The following SMYD3 variants were observed in gnomAD, a reference collection of about 807,000 sequenced individuals.
The protein encoded by SMYD3 is SET and MYND domain containing 3.
A neutral mutation model predicts 57.7 loss-of-function variants in SMYD3; 36 were observed. The ratio of observed to expected loss-of-function variants is 0.62; its 90% CI spans 0.48 to 0.82. SMYD3 has a LOEUF of 0.82. Among genes scored for constraint, SMYD3 ranks in the 40% least tolerant of loss-of-function variants. SMYD3 has a pLI of 0.00. For synonymous variants in SMYD3, 211 were observed against 195.0 expected, an observed-to-expected ratio of 1.08 and a Z score of -0.68; for missense variants, 515 against 538.8, an observed-to-expected ratio of 0.96 and a Z score of 0.44.
intron 5 of SMYD3, among the ~76,000 whole-genome samples, chr1:246,228,819 CT>C (rs143117763): frequency 1.3e-5 from 2 of 151,796 alleles, no homozygotes; most frequent in African/African-American, 4.8e-5. Context: ...AAGAAGCCTT[CT>C]TTTTTTTAGT....
intron 8 of SMYD3, among the ~76,000 whole-genome samples, chr1:245,879,001 A>G (rs1276058230): frequency 6.6e-6 from 1 of 152,226 alleles, no homozygotes; most frequent in Non-Finnish European, 1.5e-5. Context: ...GCCTCCAGGA[A>G]GAGCAGTGTT....
intron 5 of SMYD3, among the ~76,000 whole-genome samples, chr1:246,270,427 T>C (rs1397511681): frequency 1.3e-5 from 2 of 152,236 alleles, no homozygotes; most frequent in African/African-American, 4.8e-5. Context: ...GTAACTCTTT[T>C]CATCTTGCAG....
chr1:246,190,898 A>G (rs890789625), intron 5 of SMYD3, among the ~76,000 whole-genome samples: 2 of 152,214 alleles, frequency 1.3e-5, no homozygotes, highest in African/African-American at 4.8e-5. Flanking sequence ...GGTAGGAACT[A>G]GAAAAGCCAG....
chr1:246,163,735 T>C (rs1476708521), intron 5 of SMYD3, among the ~76,000 whole-genome samples: 3 of 152,250 alleles, frequency 2.0e-5, no homozygotes, highest in East Asian at 3.9e-4. Context: ...CAAGTGCAAT[T>C]AAAAAAGAAA....
intron 5 of SMYD3, among the ~76,000 whole-genome samples, chr1:246,100,703 C>A (rs2060994096): frequency 6.6e-6 from 1 of 152,108 alleles, no homozygotes; most frequent in South Asian, 2.1e-4. Flanking sequence ...TTTTATATTC[C>A]TGAGCATCCT....
chr1:245,988,716 G>C (rs1178496785), intron 5 of SMYD3, among the ~76,000 whole-genome samples: 1 of 152,228 alleles, frequency 6.6e-6, no homozygotes, highest in Non-Finnish European at 1.5e-5. Flanking sequence ...GCAGGGACCA[G>C]AGCCCAGGCC....
At chr1:246,007,247 G>T (rs1558146150) in intron 5 of SMYD3, among the ~76,000 whole-genome samples, 1 of 152,212 alleles carries the variant, frequency 6.6e-6, no homozygotes, top group Non-Finnish European at 1.5e-5. Flanking sequence ...ATGTGCGTTT[G>T]TCTTTGGCCT....
intron 8 of SMYD3, among the ~76,000 whole-genome samples, chr1:245,911,083 A>C (rs774739315): frequency 2.6e-5 from 4 of 152,136 alleles, no homozygotes; most frequent in Non-Finnish European, 5.9e-5. Context: ...AATATGCTGA[A>C]TTCATAGAAA....
chr1:246,086,467 T>G (rs2060722855), intron 5 of SMYD3, among the ~76,000 whole-genome samples: 1 of 152,160 alleles, frequency 6.6e-6, no homozygotes, highest in Non-Finnish European at 1.5e-5. Context: ...AGTTTTCATT[T>G]GCTCCTATCT....
intron 10 of SMYD3, among the ~76,000 whole-genome samples, chr1:245,841,808 T>A (rs1325299224): frequency 6.6e-6 from 1 of 152,216 alleles, no homozygotes; most frequent in African/African-American, 2.4e-5. Flanking sequence ...TTTCTACTGA[T>A]ACCTCAGACA....
At chr1:246,379,563 C>T (rs1006400133) in intron 1 of SMYD3, among the ~76,000 whole-genome samples, 3 of 152,140 alleles carry the variant, frequency 2.0e-5, no homozygotes, top group African/African-American at 7.2e-5. Flanking sequence ...ACTGAATTAA[C>T]GTAACAGTTG....
At chr1:246,162,074 G>A (rs2062131385) in intron 5 of SMYD3, among the ~76,000 whole-genome samples, 1 of 152,206 alleles carries the variant, frequency 6.6e-6, no homozygotes, top group South Asian at 2.1e-4. Context: ...GGCCGGCTAA[G>A]CAACAGTAGT....
chr1:245,962,902 G>C (rs544487359), intron 5 of SMYD3, among the ~76,000 whole-genome samples: 1 of 152,266 alleles, frequency 6.6e-6, no homozygotes, highest in East Asian at 1.9e-4. Context: ...AACAGTCAAG[G>C]GGAGTTTATC....
intron 5 of SMYD3, among the ~76,000 whole-genome samples, chr1:246,125,091 C>G (rs67763039): frequency 8.2e-6 from 1 of 121,396 alleles, no homozygotes; most frequent in South Asian, 2.7e-4. Flanking sequence ...AAAAAAAACA[C>G]ACACACACAC....
intron 10 of SMYD3, among the ~76,000 whole-genome samples, chr1:245,778,633 T>G (rs2046702797): frequency 6.6e-6 from 1 of 152,154 alleles, no homozygotes; most frequent in Non-Finnish European, 1.5e-5. Context: ...AAAAACGAAC[T>G]TCAACCTGAA....
intron 10 of SMYD3, among the ~76,000 whole-genome samples, chr1:245,806,337 T>C (rs2048141922): frequency 6.6e-6 from 1 of 152,210 alleles, no homozygotes; most frequent in Non-Finnish European, 1.5e-5. Flanking sequence ...TTGCCATCCA[T>C]ATTGCTAGGA....
chr1:245,963,728 G>C (rs61729629), intron 5 of SMYD3, among the ~76,000 whole-genome samples: 24,494 of 152,142 alleles, frequency 0.16, 3,044 homozygotes, highest in African/African-American at 0.34. Flanking sequence ...GCCCTCCAGA[G>C]AAACTAACCA....
intron 1 of SMYD3, among the ~76,000 whole-genome samples, chr1:246,472,258 A>G (rs1326004282): frequency 6.6e-6 from 1 of 152,048 alleles, no homozygotes; most frequent in Non-Finnish European, 1.5e-5. Context: ...GTGGAAGAAG[A>G]AAAAAAAGAA....
At chr1:246,421,315 AT>A (rs1220787546) in intron 1 of SMYD3, among the ~76,000 whole-genome samples, 3 of 152,180 alleles carry the variant, frequency 2.0e-5, no homozygotes, top group Non-Finnish European at 2.9e-5. Flanking sequence ...TAAAAAAAAA[AT>A]AAAGTGCCAT....
Sources: allele counts gnomAD v4.1 joint callset (sites outside exome capture counted in the v4.1 genomes callset), GRCh38; gene constraint gnomAD v4.1.1; transcripts MANE v1.5; gene names NCBI Gene and HGNC (gene_info 2026-07-23, HGNC 2026-07-21).